Variants in TSHR observed in about 807,000 individuals in gnomAD.
The protein encoded by TSHR is thyroid stimulating hormone receptor, also known as thyrotropin receptor.
In TSHR, 51 loss-of-function variants were observed where a neutral mutation model predicts 64.1. The ratio of observed to expected loss-of-function variants is 0.80; its 90% CI spans 0.64 to 1.01. The LOEUF is 1.01. Ranked by LOEUF, TSHR falls within the 50% of genes least tolerant of loss-of-function variation. The pLI, the probability that TSHR is intolerant of heterozygous loss-of-function variation, is 0.00. For synonymous variants in TSHR, 361 were observed against 361.9 expected, an observed-to-expected ratio of 1.00 and a Z score of 0.03; for missense variants, 877 against 942.8, an observed-to-expected ratio of 0.93 and a Z score of 0.91.
rs374217740 is a variant in TSHR at position 81,081,530 on chromosome 14, A to G, written c.318-6424A>G. On this transcript the variant is annotated intron_variant, in intron 3 of 9. Coordinates refer to ENST00000298171, the MANE Select transcript of TSHR (RefSeq NM_000369.5). ...TGAATGTGTTTCAAAGTTTTTTACA[A>G]TAAATATGTATTACCTCTATAGTCA... 3.3e-5 allele frequency among the ~76,000 whole-genome samples: 5 copies of G among 152,300 alleles called. No homozygotes were observed. The East Asian group carries it at 7.7e-4, about 24-fold the overall frequency.
chr14:81,082,250 G>C (rs1337331548), intron 3 of TSHR, among the ~76,000 whole-genome samples: 6 of 152,248 alleles, frequency 3.9e-5, no homozygotes, highest in Non-Finnish European at 8.8e-5. Flanking sequence ...TAAGAAGCCT[G>C]AGTAGGCCTG....
At chr14:81,034,298 G>C (rs1884510629) in intron 1 of TSHR, among the ~76,000 whole-genome samples, 1 of 152,186 alleles carries the variant, frequency 6.6e-6, no homozygotes, top group African/African-American at 2.4e-5. Flanking sequence ...AGGATTTTAT[G>C]TCTGAATGCT....
intron 8 of TSHR, among the ~76,000 whole-genome samples, chr14:81,138,643 A>C (rs10131429): frequency 1 from 152,217 of 152,256 alleles, 76,091 homozygotes; most frequent in Middle Eastern, 1. Flanking sequence ...ATGAGCTTTA[A>C]GTTCTGACGG....
intron 3 of TSHR, among the ~76,000 whole-genome samples, chr14:81,072,024 G>A (rs115393002): frequency 0.017 from 2,652 of 152,332 alleles, 87 homozygotes; most frequent in African/African-American, 0.06. Context: ...TGAATGAACT[G>A]AGCAAGAGAT....
At chr14:81,058,498 C>A (rs762659800) in intron 1 of TSHR, among the ~76,000 whole-genome samples, 1 of 152,098 alleles carries the variant, frequency 6.6e-6, no homozygotes, top group Admixed American at 6.6e-5. Flanking sequence ...ACATATGATG[C>A]CTTAATCGTT....
At position 80,976,752 on chromosome 14, in the gene TSHR, G is replaced by A. The variant is rs575421472; in HGVS notation, c.170+20902G>A. ...TATACAAGAAGTCCTGAATGCCCAAGTGGCAGTCATAGCCTGAGTTCTCCA... is the reference window on the plus strand; with the variant it reads ...TATACAAGAAGTCCTGAATGCCCAAATGGCAGTCATAGCCTGAGTTCTCCA... On this transcript the variant is annotated intron_variant, in intron 1 of 9. Transcript: ENST00000298171. Among the ~76,000 whole-genome samples the A allele has an allele frequency of 3.9e-5, 6 of 152,328 alleles. No individual in the cohort carries two copies. In the South Asian group the frequency reaches 1.2e-3, roughly 32 times the overall value.
rs963917040 is a variant in TSHR, at chr14:81,072,865, C to T, written c.317+4537C>T. On this transcript the variant is annotated intron_variant, in intron 3 of 9. Coordinates refer to ENST00000298171, the MANE Select transcript of TSHR (RefSeq NM_000369.5). The stretch of plus-strand genomic sequence containing the variant: ...ACAAAAAATTAGCCGGGCGTAGTGG[C>T]GGGCGCCTGTAGTCCCAGCTACTCG... Among the ~76,000 whole-genome samples the T allele has an allele frequency of 1.3e-4, 19 of 142,212 alleles. 5 individuals are homozygous for T. The highest frequency in any genetic ancestry group is 5.4e-4 in the African/African-American group (19 of 35,166). The allele number at this position is 142,212 out of a possible 152,430, so 93.3% of individuals were successfully genotyped here. A position where few individuals can be genotyped will look rare whatever the true frequency, so the allele number is the denominator to read the frequency against.
intron 1 of TSHR, chr14:81,049,364 T>C (rs1368331613): frequency 1.3e-5 from 2 of 152,166 alleles, no homozygotes; most frequent in African/African-American, 4.8e-5. Flanking sequence ...CTGTCTATGG[T>C]TATGTAGTTT....
intron 1 of TSHR, among the ~76,000 whole-genome samples, chr14:81,039,727 T>C (rs1427200603): frequency 6.6e-6 from 1 of 151,714 alleles, no homozygotes; most frequent in Non-Finnish European, 1.5e-5. Flanking sequence ...TTACAACAGT[T>C]ACAAAAAAAA....
At chr14:81,104,782 GCTT>G in intron 7 of TSHR, 1 of 985,358 alleles carries the variant, frequency 1.0e-6, no homozygotes. Flanking sequence ...TCAGGGCAGG[GCTT>G]CTTAACTCCA....
At chr14:80,955,898 C>T in intron 1 of TSHR, 48 bp downstream of exon 1, 1 of 1,613,046 alleles carries the variant, frequency 6.2e-7, no homozygotes, top group Non-Finnish European at 8.5e-7. Context: ...TCAAGGGCAT[C>T]TGCAGAGGTG....
intron 8 of TSHR, among the ~76,000 whole-genome samples, chr14:81,113,045 C>G (rs944764694): frequency 6.6e-6 from 1 of 152,162 alleles, no homozygotes; most frequent in Non-Finnish European, 1.5e-5. Flanking sequence ...AGGTGTGTCA[C>G]AGTCTGACTC....
At chr14:80,960,611 T>G (rs1204581533) in intron 1 of TSHR, among the ~76,000 whole-genome samples, 2 of 152,132 alleles carry the variant, frequency 1.3e-5, no homozygotes, top group African/African-American at 2.4e-5. Context: ...AGAGAATATA[T>G]AGAGAGAGGG....
chr14:80,981,836 A>G (rs1470573637), intron 1 of TSHR, among the ~76,000 whole-genome samples: 1 of 152,152 alleles, frequency 6.6e-6, no homozygotes, highest in African/African-American at 2.4e-5. Flanking sequence ...CATGTTTGGC[A>G]AGAGAACATA....
intron 8 of TSHR, among the ~76,000 whole-genome samples, chr14:81,111,737 C>T (rs1890232992): frequency 6.6e-6 from 1 of 152,076 alleles, no homozygotes; most frequent in African/African-American, 2.4e-5. Flanking sequence ...TTAATTCTGC[C>T]TTAGAGGGCA....
chr14:81,102,326 T>C (rs1213244313), intron 7 of TSHR, among the ~76,000 whole-genome samples: 2 of 152,174 alleles, frequency 1.3e-5, no homozygotes, highest in African/African-American at 2.4e-5. Flanking sequence ...GGCAGAGATA[T>C]TCTGTCAGTG....
chr14:80,971,504 G>A (rs1166072804), intron 1 of TSHR, among the ~76,000 whole-genome samples: 2 of 152,234 alleles, frequency 1.3e-5, no homozygotes, highest in African/African-American at 4.8e-5. Flanking sequence ...CTGTGCTGAT[G>A]TGTTCCAGTG....
intron 1 of TSHR, among the ~76,000 whole-genome samples, chr14:81,055,327 G>C (rs1885708429): frequency 6.6e-6 from 1 of 152,186 alleles, no homozygotes; most frequent in African/African-American, 2.4e-5. Flanking sequence ...CAGGGGTGAG[G>C]CACTCATGAA....
At chr14:80,964,315 G>C (rs1196112170) in intron 1 of TSHR, among the ~76,000 whole-genome samples, 1 of 152,196 alleles carries the variant, frequency 6.6e-6, no homozygotes, top group Non-Finnish European at 1.5e-5. Flanking sequence ...GAACAAATTA[G>C]CTATCCTGGG....
Sources: gnomAD v4.1 joint callset for allele counts (sites outside exome capture counted in the v4.1 genomes callset) on GRCh38, gnomAD v4.1.1 for gene constraint, MANE v1.5 for transcripts, NCBI Gene and HGNC (gene_info 2026-07-23, HGNC 2026-07-21) for gene names.